The following MARK1 variants were observed in gnomAD, a reference collection of about 807,000 sequenced individuals.
The protein encoded by MARK1 is serine/threonine-protein kinase MARK1.
Under a neutral mutation model 96.3 loss-of-function variants are expected in MARK1, and 40 were observed. That is an observed-to-expected ratio of 0.42 (90% confidence interval 0.32 to 0.54). MARK1 has a LOEUF of 0.54. Among genes scored for constraint, MARK1 ranks in the 20% least tolerant of loss-of-function variants. The pLI is 0.16. For synonymous variants in MARK1, 317 were observed against 341.2 expected (o/e 0.93, Z 0.78); for missense variants, 719 against 984.6 (o/e 0.73, Z 3.61).
At position 220,589,626 on chromosome 1, in the gene MARK1, G is replaced by A. The variant is rs186548835; in HGVS notation, c.309+8508G>A. Among the ~76,000 whole-genome samples the A allele has an allele frequency of 2.6e-5, 4 of 152,252 alleles. 1 individual carries two copies. The highest frequency in any genetic ancestry group is 2.6e-4 in the Admixed American group (4 of 15,282). ...AGACATATCTCAGGCCTTCACTCCT[G>A]GCTTATTTTCCTAATTTAACACACA... On this transcript the variant is annotated intron_variant, in intron 3 of 17. Coordinates refer to ENST00000366917, the MANE Select transcript of MARK1 (RefSeq NM_018650.5).
chr1:220,588,209 A>G (rs536424589), intron 3 of MARK1, among the ~76,000 whole-genome samples: 35 of 152,328 alleles, frequency 2.3e-4, no homozygotes, highest in Admixed American at 1.2e-3. Context: ...TTAACTTCAT[A>G]TCTCCAACAA....
At chr1:220,657,941 AGCATGC>A in intron 17 of MARK1, 107 bp downstream of exon 17, 1 of 742,390 alleles carries the variant, frequency 1.3e-6, no homozygotes, top group Non-Finnish European at 1.9e-6. Context: ...ATAACTAGAT[AGCATGC>A]GTATTTTAGA....
At chr1:220,629,995 T>G (rs1667579793) in intron 9 of MARK1, among the ~76,000 whole-genome samples, 1 of 152,188 alleles carries the variant, frequency 6.6e-6, no homozygotes, top group African/African-American at 2.4e-5. Context: ...ATATGGTAGT[T>G]CTATTTTTAA....
chr1:220,563,846 G>T (rs1662854941), intron 1 of MARK1, among the ~76,000 whole-genome samples: 1 of 152,114 alleles, frequency 6.6e-6, no homozygotes, highest in Admixed American at 6.5e-5. Context: ...AGGAATGAAT[G>T]AATAATCAAA....
At chr1:220,590,856 A>G (rs975596483) in intron 3 of MARK1, among the ~76,000 whole-genome samples, 3 of 152,184 alleles carry the variant, frequency 2.0e-5, no homozygotes, top group Admixed American at 6.5e-5. Flanking sequence ...AAGCTGCTGA[A>G]GGAGAGGAAA....
chr1:220,596,127 G>T (rs1055276971), intron 3 of MARK1, among the ~76,000 whole-genome samples: 1 of 152,160 alleles, frequency 6.6e-6, no homozygotes, highest in African/African-American at 2.4e-5. Context: ...GCAACAAATC[G>T]ATGATATTTG....
At chr1:220,595,933 C>A (rs1325432568) in intron 3 of MARK1, among the ~76,000 whole-genome samples, 1 of 151,990 alleles carries the variant, frequency 6.6e-6, no homozygotes, top group Admixed American at 6.5e-5. Flanking sequence ...TAAGGATGAT[C>A]CTAAAGTTTC....
intron 15 of MARK1, 84 bp downstream of exon 15, chr1:220,652,234 C>A: frequency 1.9e-6 from 2 of 1,052,092 alleles, no homozygotes; most frequent in South Asian, 2.4e-5. Context: ...TAGTCACCAT[C>A]ACATTAAGAC....
chr1:220,587,321 CTCTT>C (rs796121419), intron 3 of MARK1, among the ~76,000 whole-genome samples: 6,069 of 86,174 alleles, frequency 0.07, 401 homozygotes, highest in African/African-American at 0.17. Context: ...CCCTCTCTCT[CTCTT>C]TCTTTCTCTC....
chr1:220,573,825 GTA>G (rs1162862857), intron 1 of MARK1, among the ~76,000 whole-genome samples: 1 of 149,884 alleles, frequency 6.7e-6, no homozygotes, highest in Admixed American at 6.6e-5. Flanking sequence ...ATATATTGTA[GTA>G]TATATGTAGT....
At chr1:220,649,058 T>C (rs1317256066) in intron 13 of MARK1, among the ~76,000 whole-genome samples, 5 of 152,226 alleles carry the variant, frequency 3.3e-5, no homozygotes, top group Admixed American at 6.5e-5. Flanking sequence ...TTGATGTGGA[T>C]AGATGTTAAT....
chr1:220,641,127 C>T lies in MARK1; in HGVS notation c.1470+5101C>T, dbSNP rs73107640. The stretch of plus-strand genomic sequence containing the variant: ...TTGTGCTGTTTTTGAATCAAGAAAA[C>T]AATAAAACTTGTAAAGGTATTTTCC... On this transcript the variant is annotated intron_variant, in intron 13 of 17. Coordinates refer to ENST00000366917, the MANE Select transcript of MARK1 (RefSeq NM_018650.5). Among the ~76,000 whole-genome samples the T allele has an allele frequency of 2.5e-3, 382 of 152,226 alleles. 3 individuals carry two copies. Among genetic ancestry groups the T allele is most frequent in the African/African-American group, 8.6e-3 (356 of 41,522 alleles).
At chr1:220,593,477 A>G (rs1008861130) in intron 3 of MARK1, among the ~76,000 whole-genome samples, 2 of 152,150 alleles carry the variant, frequency 1.3e-5, no homozygotes, top group Admixed American at 1.3e-4. Context: ...TTTTATAGCT[A>G]TATGTGAATC....
At chr1:220,639,437 G>A (rs1349222841) in intron 13 of MARK1, among the ~76,000 whole-genome samples, 1 of 152,002 alleles carries the variant, frequency 6.6e-6, no homozygotes. Flanking sequence ...TTTAATAGAT[G>A]CATATTATTT....
intron 1 of MARK1, among the ~76,000 whole-genome samples, chr1:220,576,488 G>T (rs925559031): frequency 2.0e-5 from 3 of 152,034 alleles, no homozygotes; most frequent in African/African-American, 7.2e-5. Context: ...CCCTCAGTGG[G>T]AGGGTCCTGG....
chr1:220,543,704 C>G (rs1385842035), intron 1 of MARK1, among the ~76,000 whole-genome samples: 1 of 152,172 alleles, frequency 6.6e-6, no homozygotes, highest in Non-Finnish European at 1.5e-5. Flanking sequence ...TGGTACTCAA[C>G]AATTTAATAA....
intron 9 of MARK1, among the ~76,000 whole-genome samples, chr1:220,624,249 G>A (rs1667196412): frequency 6.8e-6 from 1 of 147,726 alleles, no homozygotes; most frequent in South Asian, 2.2e-4. Flanking sequence ...AGTGAACTGA[G>A]ATCATGCCAC....
At position 220,618,544 on chromosome 1, in the gene MARK1, A is replaced by C; in HGVS notation, c.787A>C (p.Lys263Gln). 1 of 1,613,660 alleles carries C rather than the reference A, an allele frequency of 6.2e-7. No individual in the cohort carries two copies. The highest frequency in any genetic ancestry group is 8.5e-7 in the Non-Finnish European group (1 of 1,179,598). The change falls in exon 8 of 18, where the codon AAG becomes CAG. Residue 263 changes from lysine to glutamine, a missense_variant and splice_region_variant. By Grantham distance (53) the Lys-to-Gln change is moderately conservative. This residue lies in a region of MARK1 where 96 missense variants were observed against 213.1 expected (regional missense o/e 0.45). Transcript: ENST00000366917. This position sits in a 1 kb window ranked among gnomAD's most constrained non-coding sequence, Gnocchi z 4.6. ...CTTGCCTTTCGATGGCCAGAATTTAAAGGTATCAGCTAAATTCTTTATTAA... is the reference window on the plus strand; with the variant it reads ...CTTGCCTTTCGATGGCCAGAATTTACAGGTATCAGCTAAATTCTTTATTAA... ...GSLPFDGQNL[K>Q]ELRERVLRGK...
chr1:220,660,450 C>T (rs952674527), intron 17 of MARK1, among the ~76,000 whole-genome samples: 2 of 152,048 alleles, frequency 1.3e-5, no homozygotes, highest in African/African-American at 4.8e-5. Context: ...TATAAAATTA[C>T]ACATGAATAT....
Sources: allele counts gnomAD v4.1 joint callset (sites outside exome capture counted in the v4.1 genomes callset), GRCh38; gene constraint gnomAD v4.1.1; regional missense constraint gnomAD v4.1.1; non-coding constraint Gnocchi (gnomAD v3.1); transcripts MANE v1.5; gene names NCBI Gene and HGNC (gene_info 2026-07-23, HGNC 2026-07-21).